The following TUG1 variants were observed in gnomAD, a reference collection of about 807,000 sequenced individuals.
TUG1 encodes the protein taurine upregulated gene 1.
At chr22:30,970,051 ATTTT>A (rs879474066) in exon 1 of TUG1, 1 of 151,966 alleles carries the variant, frequency 6.6e-6, no homozygotes, top group Admixed American at 6.6e-5. Context: ...ATTGTTTATA[ATTTT>A]TTTTGAGTTG....
chr22:30,976,479 C>T (rs1352251425), exon 3 of TUG1: 4 of 152,142 alleles, frequency 2.6e-5, no homozygotes, highest in South Asian at 4.1e-4. Context: ...AGGATTTTAT[C>T]GGTAGACTTA....
chr22:30,976,001 A>G (rs1031880937), exon 3 of TUG1: 1 of 150,128 alleles, frequency 6.7e-6, no homozygotes, highest in African/African-American at 2.5e-5. Flanking sequence ...TAGCAGTTAT[A>G]TTGCCCCTTG....
exon 3 of TUG1, chr22:30,978,681 A>G (rs1308618613): frequency 6.6e-6 from 1 of 152,222 alleles, no homozygotes; most frequent in East Asian, 1.9e-4. Flanking sequence ...AACAGGGCCT[A>G]CCATGTAGAG....
chr22:30,978,603 C>G (rs1037654262), exon 3 of TUG1: 9 of 152,196 alleles, frequency 5.9e-5, no homozygotes, highest in Admixed American at 5.2e-4. Flanking sequence ...GCAAATCCAT[C>G]TGAACTGTGG....
At chr22:30,976,383 T>G (rs765162255) in exon 3 of TUG1, 9 of 152,182 alleles carry the variant, frequency 5.9e-5, no homozygotes, top group Non-Finnish European at 1.3e-4. Flanking sequence ...TTAGCTTACT[T>G]GCTGGGCATT....
exon 3 of TUG1, chr22:30,978,893 T>C (rs991278546): frequency 2.6e-5 from 4 of 152,196 alleles, no homozygotes; most frequent in African/African-American, 9.7e-5. Flanking sequence ...TCCACACTAA[T>C]ATATCTACCA....
At chr22:30,977,210 A>G (rs879578059) in exon 3 of TUG1, 5 of 152,192 alleles carry the variant, frequency 3.3e-5, no homozygotes, top group Non-Finnish European at 7.3e-5. Context: ...AGGAGTCTGT[A>G]TACTGTCTCC....
At chr22:30,974,370 AGT>A (rs2041265483) in intron 2 of TUG1, 1 of 150,622 alleles carries the variant, frequency 6.6e-6, no homozygotes, top group Admixed American at 6.6e-5. Flanking sequence ...AAAGACTTCT[AGT>A]AAAGAGTTCC....
At chr22:30,976,125 T>A (rs1678780552) in exon 3 of TUG1, 1 of 151,136 alleles carries the variant, frequency 6.6e-6, no homozygotes, top group Non-Finnish European at 1.5e-5. Context: ...CTGCCTATTC[T>A]CCAGAATTAT....
exon 3 of TUG1, chr22:30,976,450 T>C (rs2041288814): frequency 6.6e-6 from 1 of 152,170 alleles, no homozygotes; most frequent in African/African-American, 2.4e-5. Flanking sequence ...AAAAACAAAA[T>C]CTATGAAGAC....
exon 3 of TUG1, chr22:30,976,550 A>G (rs1436899489): frequency 6.6e-6 from 1 of 152,238 alleles, no homozygotes; most frequent in Non-Finnish European, 1.5e-5. Flanking sequence ...CTGTCATTTT[A>G]CACTGACTCA....
At chr22:30,969,619 G>T in exon 1 of TUG1, 1 of 152,666 alleles carries the variant, frequency 6.6e-6, no homozygotes, top group South Asian at 1.8e-4. Flanking sequence ...CAGCTGCTCC[G>T]CCCCGCTCCG....
exon 3 of TUG1, chr22:30,978,326 A>T (rs996761506): frequency 1.3e-5 from 2 of 152,192 alleles, no homozygotes; most frequent in Admixed American, 6.5e-5. Flanking sequence ...CTTATCTCTC[A>T]TGGTGTTTTT....
chr22:30,975,913 G>A (rs2041282840), exon 3 of TUG1: 1 of 150,318 alleles, frequency 6.7e-6, no homozygotes, highest in Admixed American at 6.7e-5. Context: ...TCAAATACTG[G>A]CAACATTTCC....
chr22:30,979,274 A>T (rs1288093341), exon 3 of TUG1: 1 of 152,230 alleles, frequency 6.6e-6, no homozygotes, highest in Non-Finnish European at 1.5e-5. Flanking sequence ...GTCTATTCAC[A>T]GCTTTCTTTG....
At chr22:30,974,350 A>G (rs1244879050) in intron 2 of TUG1, 1 of 150,174 alleles carries the variant, frequency 6.7e-6, no homozygotes, top group Non-Finnish European at 1.5e-5. Context: ...GAAGTCTGAA[A>G]AAAAAAAAAA....
chr22:30,973,513 A>G (rs2041253819), exon 2 of TUG1: 1 of 152,218 alleles, frequency 6.6e-6, no homozygotes, highest in Non-Finnish European at 1.5e-5. Flanking sequence ...AAATTCTACC[A>G]AGGAGTCCCC....
chr22:30,971,767 A>G, exon 1 of TUG1: 1 of 152,754 alleles, frequency 6.5e-6, no homozygotes, highest in East Asian at 1.9e-4. Flanking sequence ...TGCTCCATCC[A>G]AAGTGAATTA....
At chr22:30,976,813 C>G (rs891889103) in exon 3 of TUG1, 5 of 152,196 alleles carry the variant, frequency 3.3e-5, no homozygotes, top group Non-Finnish European at 7.4e-5. Context: ...TTGTTTATAT[C>G]CTTGTCTCTC....
Sources: gnomAD v4.1 joint callset for allele counts on GRCh38, gnomAD v4.1.1 for gene constraint, MANE v1.5 for transcripts, NCBI Gene and HGNC (gene_info 2026-07-23, HGNC 2026-07-21) for gene names.